Variants in WDR64 observed in about 807,000 individuals in gnomAD.
The protein encoded by WDR64 is WD repeat domain 64, also known as WD repeat-containing protein 64.
WDR64 carries 112 observed loss-of-function variants against 139.3 expected under a neutral mutation model. The observed-to-expected ratio is 0.80, with a 90% confidence interval of 0.69 to 0.94. The LOEUF (loss-of-function observed/expected upper bound fraction) is 0.94, where lower values mean the gene tolerates loss of function less well. WDR64 is among the 40% of genes least tolerant of loss of function. The pLI is 0.00. For synonymous variants in WDR64, 444 were observed against 437.7 expected, an observed-to-expected ratio of 1.01 and a Z score of -0.18; for missense variants, 1,206 against 1,293.1, an observed-to-expected ratio of 0.93 and a Z score of 1.03.
rs984193684 is a variant in WDR64 at position 241,656,214 on chromosome 1, C to T, written c.145+3585C>T. On this transcript the variant is annotated intron_variant, in intron 1 of 27. Transcript: ENST00000437684. The surrounding 1 kb of genome is among the most constrained non-coding windows in gnomAD (Gnocchi z 4.3). ...GTCAGGCTGTTAATAATGTCTGGCA[C>T]AAATTCATATTTATTAACCAATATT... 6.6e-6 allele frequency among the ~76,000 whole-genome samples: 1 copy of T among 152,158 alleles called. No homozygotes were observed. Among genetic ancestry groups the T allele is most frequent in the Non-Finnish European group, 1.5e-5 (1 of 68,028 alleles).
At chr1:241,795,968 C>T (rs541581518) in intron 26 of WDR64, among the ~76,000 whole-genome samples, 6 of 152,150 alleles carry the variant, frequency 3.9e-5, no homozygotes, top group African/African-American at 1.2e-4. Flanking sequence ...AAGAGGTAGA[C>T]GGAATGCAGT....
chr1:241,688,734 A>G (rs1016492510), intron 8 of WDR64, among the ~76,000 whole-genome samples: 1 of 152,176 alleles, frequency 6.6e-6, no homozygotes, highest in African/African-American at 2.4e-5. Context: ...TAACCAGTAT[A>G]GGGCAGGAAA....
intron 13 of WDR64, among the ~76,000 whole-genome samples, chr1:241,747,407 G>A (rs186204745): frequency 2.6e-4 from 40 of 152,264 alleles, no homozygotes; most frequent in Non-Finnish European, 2.9e-5. Flanking sequence ...AAGCAATGGG[G>A]GAAGTTGGGA....
chr1:241,670,045 C>G (rs1292921334), intron 2 of WDR64, among the ~76,000 whole-genome samples: 1 of 152,064 alleles, frequency 6.6e-6, no homozygotes, highest in African/African-American at 2.4e-5. Flanking sequence ...AATTATATAA[C>G]TTTTATAAGC....
chr1:241,777,673 C>T (rs989259223), intron 21 of WDR64, among the ~76,000 whole-genome samples: 5 of 152,158 alleles, frequency 3.3e-5, no homozygotes, highest in Admixed American at 6.5e-5. Context: ...CCACCTCAGC[C>T]TCCCAACATG....
intron 8 of WDR64, among the ~76,000 whole-genome samples, chr1:241,695,840 C>T (rs907903300): frequency 3.9e-5 from 6 of 152,086 alleles, no homozygotes; most frequent in African/African-American, 1.4e-4. Context: ...TGAGACCAGA[C>T]ATAGTGGCTA....
chr1:241,777,417 C>CT (rs35263289), intron 21 of WDR64, among the ~76,000 whole-genome samples: 66 of 148,082 alleles, frequency 4.5e-4, no homozygotes, highest in African/African-American at 1.3e-3. Context: ...GTAATTTCAC[C>CT]TTTTTTTTTT....
chr1:241,686,328 C>T (rs1667002405), intron 7 of WDR64, among the ~76,000 whole-genome samples: 1 of 152,152 alleles, frequency 6.6e-6, no homozygotes, highest in African/African-American at 2.4e-5. Flanking sequence ...ATATGCAAAC[C>T]ATTATACAAA....
At chr1:241,738,267 T>C (rs944396796) in intron 10 of WDR64, 96 bp from the exon 11 acceptor site, 4 of 1,437,722 alleles carry the variant, frequency 2.8e-6, no homozygotes, top group Non-Finnish European at 3.8e-6. Flanking sequence ...TATAAGTTTA[T>C]AAGAGTGTAT....
chr1:241,718,481 C>A (rs1406269547), intron 9 of WDR64, among the ~76,000 whole-genome samples: 1 of 151,962 alleles, frequency 6.6e-6, no homozygotes, highest in Non-Finnish European at 1.5e-5. Flanking sequence ...ACTAAGGGCA[C>A]AAAGGTATCA....
intron 20 of WDR64, among the ~76,000 whole-genome samples, chr1:241,773,906 G>A (rs1658555625): frequency 6.6e-6 from 1 of 152,200 alleles, no homozygotes; most frequent in Non-Finnish European, 1.5e-5. Flanking sequence ...TAGAGTAAAA[G>A]AATGTGAGAA....
At chr1:241,684,660 G>A (rs1273997383) in intron 7 of WDR64, among the ~76,000 whole-genome samples, 1 of 152,128 alleles carries the variant, frequency 6.6e-6, no homozygotes, top group Non-Finnish European at 1.5e-5. Flanking sequence ...AAAGAATTTC[G>A]GAAGCTGCAT....
intron 10 of WDR64, among the ~76,000 whole-genome samples, chr1:241,723,953 A>G (rs996566591): frequency 1.3e-5 from 2 of 151,984 alleles, no homozygotes; most frequent in Non-Finnish European, 2.9e-5. Flanking sequence ...AAATAAGATA[A>G]AATAAAAATT....
chr1:241,793,343 T>C (rs1488443099), intron 25 of WDR64, among the ~76,000 whole-genome samples: 2 of 152,156 alleles, frequency 1.3e-5, no homozygotes, highest in African/African-American at 4.8e-5. Context: ...GTTGGGGGTG[T>C]TGTTCCAGTT....
At chr1:241,752,928 A>G (rs1331704369) in intron 14 of WDR64, among the ~76,000 whole-genome samples, 4 of 152,206 alleles carry the variant, frequency 2.6e-5, no homozygotes, top group Non-Finnish European at 5.9e-5. Flanking sequence ...TAACTAAGCT[A>G]TTACTCAGTG....
chr1:241,795,090 G>A, intron 25 of WDR64, 117 bp from the exon 26 acceptor site: 2 of 774,422 alleles, frequency 2.6e-6, no homozygotes, highest in South Asian at 3.5e-5. Flanking sequence ...CTAGGTAACA[G>A]GGAAGTCCCT....
At chr1:241,789,319 C>T (rs1384120454) in intron 24 of WDR64, among the ~76,000 whole-genome samples, 2 of 152,148 alleles carry the variant, frequency 1.3e-5, no homozygotes, top group Non-Finnish European at 2.9e-5. Flanking sequence ...CATAGTATTT[C>T]TTGTCTTTTG....
intron 10 of WDR64, among the ~76,000 whole-genome samples, chr1:241,733,576 A>C (rs540713579): frequency 1.3e-4 from 20 of 151,284 alleles, no homozygotes; most frequent in Non-Finnish European, 2.7e-4. Flanking sequence ...ATATGCATAT[A>C]ATTCATATAT....
chr1:241,654,803 C>T (rs1665515300), intron 1 of WDR64, among the ~76,000 whole-genome samples: 1 of 152,164 alleles, frequency 6.6e-6, no homozygotes, highest in African/African-American at 2.4e-5. Context: ...TGCATACAAA[C>T]TTTGTTTCAT....
Sources: allele counts gnomAD v4.1 joint callset (sites outside exome capture counted in the v4.1 genomes callset), GRCh38; gene constraint gnomAD v4.1.1; non-coding constraint Gnocchi (gnomAD v3.1); transcripts MANE v1.5; gene names NCBI Gene and HGNC (gene_info 2026-07-23, HGNC 2026-07-21).